Variants in TRPM5 observed in about 807,000 individuals in gnomAD.
TRPM5 encodes transient receptor potential cation channel subfamily M member 5, also known as MLSN1 and TRP-related.
In TRPM5, 121 loss-of-function variants were observed where a neutral mutation model predicts 124.9. The ratio of observed to expected loss-of-function variants is 0.97; its 90% confidence interval spans 0.84 to 1.13. The LOEUF (loss-of-function observed/expected upper bound fraction) is 1.13, where lower values mean the gene tolerates loss of function less well. Ranked by LOEUF, TRPM5 falls within the 50% of genes most tolerant of loss-of-function variation. The pLI is 0.00. For synonymous variants in TRPM5, 781 were observed against 700.5 expected (o/e 1.11, Z -1.81); for missense variants, 1,643 against 1,589.1 (o/e 1.03, Z -0.58).
intron 18 of TRPM5, 50 bp from the exon 24 acceptor site, chr11:2,407,962 CG>C (rs1275491805): frequency 1.9e-6 from 3 of 1,594,886 alleles, no homozygotes; most frequent in Non-Finnish European, 1.7e-6. Flanking sequence ...GCCACAAGGG[CG>C]GCCTTAGGCA....
chr11:2,411,975 T>C (rs1850462305), intron 16 of TRPM5, among the ~76,000 whole-genome samples, 160 bp downstream of exon 21: 1 of 152,156 alleles, frequency 6.6e-6, no homozygotes, highest in South Asian at 2.1e-4. Context: ...GATCACGGCT[T>C]GCTGCTGCCT....
At chr11:2,414,009 G>GGGCCCCCCCCCCCCCCCCC in intron 12 of TRPM5, 52 bp downstream of exon 17, 69 of 1,023,682 alleles carry the variant, frequency 6.7e-5, no homozygotes, top group East Asian at 2.0e-4. Flanking sequence ...GGCCCAGCTC[G>GGGCCCCCCCCCCCCCCCCC]CCCGCCCACC....
At chr11:2,418,180 C>T in exon 6 of TRPM5, 14 of 1,573,552 alleles carry the variant, frequency 8.9e-6, no homozygotes, top group Non-Finnish European at 1.2e-5. Context: ...CTTGGTCCAG[C>T]GCACGATGTC....
the TRPM5 span, among the ~76,000 whole-genome samples, chr11:2,440,923 T>A: frequency 2.2e-4 from 33 of 152,326 alleles, no homozygotes; most frequent in East Asian, 5.8e-3. This position sits in a 1 kb window ranked among gnomAD's most constrained non-coding sequence, Gnocchi z 5.2. Flanking sequence ...CCATTCCTCA[T>A]GCATTCTTGG....
exon 1 of TRPM5, chr11:2,422,987 T>C (rs2133537403): frequency 6.2e-7 from 1 of 1,612,998 alleles, no homozygotes; most frequent in Non-Finnish European, 8.5e-7. Context: ...CTCCCGCCGG[T>C]CTTCAGCATC....
chr11:2,421,136 G>T (rs750980778), exon 3 of TRPM5: 9 of 1,542,330 alleles, frequency 5.8e-6, no homozygotes, highest in African/African-American at 2.7e-5. Context: ...GAGTGGTCGC[G>T]CACGGCCTGC....
chr11:2,433,598 T>G, the TRPM5 span, among the ~76,000 whole-genome samples: 5 of 152,196 alleles, frequency 3.3e-5, no homozygotes, highest in African/African-American at 1.2e-4. Context: ...CCAGATCCTG[T>G]CTGGAAATGG....
the TRPM5 span, among the ~76,000 whole-genome samples, chr11:2,431,903 T>C: frequency 6.6e-6 from 1 of 152,344 alleles, no homozygotes; most frequent in African/African-American, 2.4e-5. Context: ...GAGCATTCCC[T>C]GCCACCTCCC....
At chr11:2,416,024 G>A (rs1193681929) in exon 8 of TRPM5, 1 of 1,594,134 alleles carries the variant, frequency 6.3e-7, no homozygotes, top group Non-Finnish European at 8.5e-7. Flanking sequence ...GCTCTTGCAG[G>A]CTGTGGGCAG....
chr11:2,424,875 C>G (rs1845824548), upstream of TRPM5, among the ~76,000 whole-genome samples: 1 of 152,372 alleles, frequency 6.6e-6, no homozygotes, highest in Admixed American at 6.5e-5. Context: ...CTGCCAGCCC[C>G]AGGCAGGACC....
the TRPM5 span, among the ~76,000 whole-genome samples, chr11:2,428,071 C>G: frequency 2.6e-5 from 4 of 152,178 alleles, no homozygotes; most frequent in African/African-American, 9.7e-5. The surrounding 1 kb of genome is among the most constrained non-coding windows in gnomAD (Gnocchi z 4.0). Context: ...GCCAGTGGGA[C>G]AGAGTGTGCC....
intron 20 of TRPM5, 69 bp downstream of exon 25, chr11:2,407,048 AGC>A: frequency 6.9e-7 from 1 of 1,451,946 alleles, no homozygotes; most frequent in Non-Finnish European, 9.0e-7. Flanking sequence ...ACCTGCCTCC[AGC>A]GCACAGCCCC....
At chr11:2,415,404 A>C (rs1359309194) in exon 9 of TRPM5, 3 of 1,594,044 alleles carry the variant, frequency 1.9e-6, no homozygotes, top group African/African-American at 1.3e-5. Context: ...GTTGTCCACA[A>C]AGAGGCGCAC....
chr11:2,406,707 G>T (rs374963258), exon 21 of TRPM5: 3 of 1,613,290 alleles, frequency 1.9e-6, no homozygotes, highest in Admixed American at 1.7e-5. Context: ...TCCCTCCTCC[G>T]CTTCTCCATC....
At chr11:2,425,752 A>G (rs56157611), upstream of TRPM5, among the ~76,000 whole-genome samples, 24,281 of 151,684 alleles carry the variant, frequency 0.16, 2,086 homozygotes, top group African/African-American at 0.21. Flanking sequence ...CTGGGGATGC[A>G]TGGCCAGGCG....
chr11:2,415,285 C>A, exon 9 of TRPM5: 2 of 1,576,496 alleles, frequency 1.3e-6, no homozygotes, highest in Non-Finnish European at 1.7e-6. Flanking sequence ...GTCAGCCGGG[C>A]CTCCTCCTGC....
At chr11:2,414,009 G>GCA in intron 12 of TRPM5, 52 bp downstream of exon 17, 4 of 1,023,732 alleles carry the variant, frequency 3.9e-6, no homozygotes, top group South Asian at 1.5e-5. Flanking sequence ...GGCCCAGCTC[G>GCA]CCCGCCCACC....
intron 22 of TRPM5, 53 bp downstream of exon 27, chr11:2,405,966 C>T (rs1407168115): frequency 4.0e-6 from 6 of 1,514,446 alleles, no homozygotes; most frequent in Non-Finnish European, 5.5e-6. Context: ...TCCCAGTAGC[C>T]CCACGCAGCC....
chr11:2,423,667 C>G (rs1845803575), upstream of TRPM5, among the ~76,000 whole-genome samples: 1 of 152,244 alleles, frequency 6.6e-6, no homozygotes, highest in South Asian at 2.1e-4. Context: ...CAGAGCTATT[C>G]CCGTGGCGCT....
Sources: gnomAD v4.1 joint callset for allele counts (sites outside exome capture counted in the v4.1 genomes callset) on GRCh38, gnomAD v4.1.1 for gene constraint, Gnocchi (gnomAD v3.1) non-coding constraint, MANE v1.5 for transcripts, NCBI Gene and HGNC (gene_info 2026-07-23, HGNC 2026-07-21) for gene names.